Variants in TRIM46 observed in about 807,000 individuals in gnomAD.
TRIM46 encodes tripartite motif-containing protein 46.
Under a neutral mutation model 69.7 loss-of-function variants are expected in TRIM46, and 17 were observed. The ratio of observed to expected loss-of-function variants is 0.24; its 90% CI spans 0.17 to 0.37. The LOEUF (loss-of-function observed/expected upper bound fraction) is 0.37. TRIM46 is among the 10% of genes least tolerant of loss of function. The pLI is 1.00. For synonymous variants in TRIM46, 391 were observed against 429.0 expected (o/e 0.91, Z 1.09); for missense variants, 675 against 1,025.1 (o/e 0.66, Z 4.66).
chr1:155,174,119 T>C (rs528022966), intron 1 of TRIM46, 90 bp downstream of exon 1: 122 of 1,414,940 alleles, frequency 8.6e-5, no homozygotes, highest in Admixed American at 2.6e-4. Context: ...TCCAGGAAGA[T>C]GCTGGGATGT....
At chr1:155,177,416 G>A in intron 5 of TRIM46, 126 bp downstream of exon 5, 1 of 795,966 alleles carries the variant, frequency 1.3e-6, no homozygotes. Context: ...TCCAGGTTCT[G>A]GTTAAACCAG....
At chr1:155,178,330 T>C (rs1433444895) in intron 6 of TRIM46, 75 bp downstream of exon 6, 1 of 1,559,344 alleles carries the variant, frequency 6.4e-7, no homozygotes, top group African/African-American at 1.4e-5. Flanking sequence ...ATGTCTACAG[T>C]ACTGCCAGGT....
In TRIM46 at chr1:155,181,909, G is replaced by A. The variant is rs1242266668; in HGVS notation, c.1646G>A (p.Ser549Asn). 1 of 1,613,880 alleles carries A rather than the reference G, an allele frequency of 6.2e-7. No individual in the cohort carries two copies. Among genetic ancestry groups the A allele is most frequent in the Non-Finnish European group, 8.5e-7 (1 of 1,179,942 alleles). ...GCAAGCCGAGAGCGGCTGGCTATCA[G>A]CAAGGACCAGCGAGCAGTACGGAGT... The part of the protein sequence containing the change: ...WGASRERLAI[S>N]KDQRAVRSVP... The change falls in exon 9 of 10, where the codon AGC (serine) becomes AAC (asparagine). Residue 549 changes from serine (S) to asparagine (N), a missense_variant. By Grantham distance (46) the Ser-to-Asn change is conservative. Transcript: ENST00000334634. The surrounding 1 kb of genome is among the most constrained non-coding windows in gnomAD (Gnocchi z 4.3).
rs370925557 is a variant in TRIM46, at chr1:155,177,276, G to A, written c.895G>A (p.Val299Met). The A allele has an allele frequency of 3.3e-5, 53 of 1,613,940 alleles. No individual in the cohort carries two copies. The Middle Eastern group carries it at 6.6e-4, about 20-fold the overall frequency. ...CCAGATCTGTGAGCTGGAGGAGGCC[G>A]TGAGGCACACCGAGGTGAGGGAGGG... ...QTQICELEEA[V>M]RHTEVSGQQA... Residue 299 changes from valine (V) to methionine (M), a missense_variant, in exon 5 of 10, where the codon GTG becomes ATG. Val to Met is a conservative substitution (Grantham distance 21, BLOSUM62 1). Transcript: ENST00000334634.
Position 155,176,781 on chromosome 1 carries a change from A to G in TRIM46, c.670-151A>G, listed in dbSNP as rs140303918. 5.2e-3 allele frequency: 4,926 copies of G among 953,354 alleles called. 25 individuals carry two copies. Among genetic ancestry groups the G allele is most frequent in the Non-Finnish European group, 6.6e-3 (4,154 of 626,606 alleles). 59.1% of individuals were successfully genotyped at this position (953,354 alleles called of 1,614,324 possible). On this transcript the variant is annotated intron_variant, in intron 3 of 9. Transcript: ENST00000334634. ...GCAGGAAAGGCTCTTTGATGCCAGTATGTACCACCAGGTGGCACTGTGGAG... is the reference window on the plus strand; with the variant it reads ...GCAGGAAAGGCTCTTTGATGCCAGTGTGTACCACCAGGTGGCACTGTGGAG...
At chr1:155,177,910 C>T in intron 5 of TRIM46, 92 bp from the exon 6 acceptor site, 1 of 1,523,650 alleles carries the variant, frequency 6.6e-7, no homozygotes, top group Non-Finnish European at 8.9e-7. Context: ...TGACCTTAGC[C>T]ATGCTGTGGC....
At chr1:155,174,098 A>C in intron 1 of TRIM46, 69 bp downstream of exon 1, 1 of 1,489,906 alleles carries the variant, frequency 6.7e-7, no homozygotes, top group Non-Finnish European at 9.2e-7. Flanking sequence ...GGGACCTGGA[A>C]CAGGTGGGGA....
intron 5 of TRIM46, 72 bp from the exon 6 acceptor site, chr1:155,177,930 G>A (rs1022271364): frequency 3.2e-6 from 5 of 1,558,560 alleles, no homozygotes; most frequent in Non-Finnish European, 3.5e-6. Flanking sequence ...CATCCAAGGA[G>A]GCCAGCACAA....
chr1:155,178,337 AGGTGGAGAACT>A, intron 6 of TRIM46, 82 bp downstream of exon 6: 1 of 1,560,394 alleles, frequency 6.4e-7, no homozygotes, highest in Non-Finnish European at 8.7e-7. Context: ...CAGTACTGCC[AGGTGGAGAACT>A]GGCATTCTAA....
intron 5 of TRIM46, 108 bp from the exon 6 acceptor site, chr1:155,177,894 C>T: frequency 6.8e-7 from 1 of 1,460,194 alleles, no homozygotes; most frequent in Non-Finnish European, 9.2e-7. Flanking sequence ...TTCCCCAGAT[C>T]CCTTGTGACC....
At chr1:155,180,301 TA>T (rs1557815386) in intron 8 of TRIM46, 3 of 328,366 alleles carry the variant, frequency 9.1e-6, no homozygotes, top group South Asian at 1.0e-4. Flanking sequence ...ACCCGATCTC[TA>T]AAAAAATAAA....
At position 155,176,186 on chromosome 1, in the gene TRIM46, G is replaced by A; in HGVS notation, c.624G>A (p.Lys208=). The A allele has an allele frequency of 6.2e-7, 1 of 1,611,830 alleles. No individual in the cohort carries two copies. Among genetic ancestry groups the A allele is most frequent in the South Asian group, 1.1e-5 (1 of 91,084 alleles). ...TCTTCCACCCCTGGGGCACCCAGAAGGCCCAGCATGAGCCCACCCTGCCTA... is the reference window on the plus strand; with the variant it reads ...TCTTCCACCCCTGGGGCACCCAGAAAGCCCAGCATGAGCCCACCCTGCCTA... ...FKLFHPWGTQ[K]AQHEPTLPTL... is the part of the protein sequence containing the mutation. The change falls in exon 3 of 10, where the codon AAG becomes AAA. Residue 208 remains lysine, a synonymous_variant. Coordinates refer to ENST00000334634, the MANE Select transcript of TRIM46 (RefSeq NM_025058.5).
intron 4 of TRIM46, 56 bp downstream of exon 4, chr1:155,177,131 C>A: frequency 4.3e-6 from 7 of 1,613,954 alleles, no homozygotes; most frequent in Non-Finnish European, 5.9e-6. Context: ...CCCTCTTGCA[C>A]CTCCTCCCAA....
rs1377958570 is a variant in TRIM46, at chr1:155,183,046, G to A, written c.1887-751G>A. On this transcript the variant is annotated intron_variant, in intron 9 of 9. Coordinates refer to ENST00000334634, the MANE Select transcript of TRIM46 (RefSeq NM_025058.5). ...CTGCCTCAGCCTCCCGAGTAGCTGGGACTACAGGCACCCGCCACCATGCCC... is the reference window on the plus strand; with the variant it reads ...CTGCCTCAGCCTCCCGAGTAGCTGGAACTACAGGCACCCGCCACCATGCCC... Among the ~76,000 whole-genome samples, 3 of 151,612 alleles carry A rather than the reference G, an allele frequency of 2.0e-5. No individual in the cohort carries two copies. The East Asian group carries it at 6.0e-4, about 30-fold the overall frequency.
chr1:155,181,970 G>C lies in TRIM46; in HGVS notation c.1707G>C (p.Arg569=). 1 of 1,613,890 alleles carries C rather than the reference G, an allele frequency of 6.2e-7. No individual in the cohort carries two copies. The highest frequency in any genetic ancestry group is 2.2e-5 in the East Asian group (1 of 44,878). ...PGLPLLLAAD[R]LLTGCHLSVD... ...TGCCCCTGCTGCTGGCTGCTGACCG[G>C]CTGCTGACCGGCTGCCACCTGAGTG... is the stretch of plus-strand genomic sequence containing the variant. Residue 569 remains arginine (R), a synonymous_variant, in exon 9 of 10, where the codon CGG becomes CGC. Coordinates refer to ENST00000334634, the MANE Select transcript of TRIM46 (RefSeq NM_025058.5). The surrounding 1 kb of genome is among the most constrained non-coding windows in gnomAD (Gnocchi z 4.3).
At position 155,174,876 on chromosome 1, in the gene TRIM46, C is replaced by G. The variant is rs748904209; in HGVS notation, c.64-510C>G. 2.5e-4 allele frequency: 354 copies of G among 1,411,264 alleles called. 1 individual carries two copies. Among genetic ancestry groups the G allele is most frequent in the Non-Finnish European group, 3.0e-4 (331 of 1,088,466 alleles). 87.4% of individuals were successfully genotyped at this position (1,411,264 alleles called of 1,614,324 possible). A position where few individuals can be genotyped will look rare whatever the true frequency, so the allele number is the denominator to read the frequency against. Reference sequence around the variant, plus strand: ...GGAAGTGAAGGATGGGGAATGGAGGCTGGAGTGGCCGCAGGCCGGAGCTGC... The same window carrying G: ...GGAAGTGAAGGATGGGGAATGGAGGGTGGAGTGGCCGCAGGCCGGAGCTGC... On this transcript the variant is annotated intron_variant, in intron 1 of 9. Coordinates refer to ENST00000334634, the MANE Select transcript of TRIM46 (RefSeq NM_025058.5).
Position 155,178,768 on chromosome 1 carries a change from C to T in TRIM46, c.1285+155C>T. 3.3e-6 allele frequency: 5 copies of T among 1,518,796 alleles called. No individual in the cohort carries two copies. In the South Asian group the frequency reaches 4.8e-5, roughly 15 times the overall value. The allele number at this position is 1,518,796 out of a possible 1,614,324, so 94.1% of individuals were successfully genotyped here. A position where few individuals can be genotyped will look rare whatever the true frequency, so the allele number is the denominator to read the frequency against. ...ACCCAGCCCACCCTGCCACACCGTC[C>T]TACCGCGCTCAGCGCTGCTTCTCCC... On this transcript the variant is annotated intron_variant, in intron 7 of 9. Transcript: ENST00000334634.
intron 7 of TRIM46, 124 bp downstream of exon 7, chr1:155,178,737 C>A: frequency 1.4e-6 from 2 of 1,389,196 alleles, no homozygotes; most frequent in South Asian, 1.2e-5. Flanking sequence ...GCCAGCCATT[C>A]CTCCCACCCA....
At chr1:155,182,270 A>G (rs1313133971) in intron 9 of TRIM46, 121 bp downstream of exon 9, 3 of 1,189,456 alleles carry the variant, frequency 2.5e-6, no homozygotes, top group Non-Finnish European at 3.5e-6. Flanking sequence ...AGGAGGAAGT[A>G]GTAGGAGCCT....
Sources: allele counts gnomAD v4.1 joint callset (sites outside exome capture counted in the v4.1 genomes callset), GRCh38; gene constraint gnomAD v4.1.1; non-coding constraint Gnocchi (gnomAD v3.1); transcripts MANE v1.5; gene names NCBI Gene and HGNC (gene_info 2026-07-23, HGNC 2026-07-21).